The following SH3RF2 variants were observed in gnomAD, a reference collection of about 807,000 sequenced individuals.
SH3RF2 encodes the protein SH3 domain containing ring finger 2.
SH3RF2 carries 43 observed loss-of-function variants against 59.0 expected under a neutral mutation model. The observed-to-expected ratio is 0.73, with a 90% CI of 0.57 to 0.94. SH3RF2 has a LOEUF of 0.94. SH3RF2 is among the 40% of genes least tolerant of loss of function. SH3RF2 has a pLI of 0.00. For synonymous variants in SH3RF2, 391 were observed against 391.5 expected, an observed-to-expected ratio of 1.00 and a Z score of 0.01; for missense variants, 930 against 940.1, an observed-to-expected ratio of 0.99 and a Z score of 0.14.
At chr5:145,951,246 G>A (rs1206179287) in intron 2 of SH3RF2, among the ~76,000 whole-genome samples, 1 of 152,194 alleles carries the variant, frequency 6.6e-6, no homozygotes, top group Non-Finnish European at 1.5e-5. Context: ...CTTTGGGCAA[G>A]CTACCCATGT....
intron 4 of SH3RF2, among the ~76,000 whole-genome samples, chr5:146,006,794 C>A (rs1432416223): frequency 9.9e-5 from 15 of 152,166 alleles, no homozygotes; most frequent in Admixed American, 9.8e-4. Flanking sequence ...TTATTCCTCA[C>A]CTAAATTCCA....
chr5:145,938,202 G>A lies in SH3RF2; in HGVS notation c.274G>A (p.Gly92Ser), dbSNP rs1357272188. The change falls in exon 2 of 10, where the codon GGC becomes AGC. Residue 92 changes from glycine to serine, a missense_variant. Coordinates refer to ENST00000359120, the MANE Select transcript of SH3RF2 (RefSeq NM_152550.4). Reference protein sequence around the residue: ...SGRGGSFRRPGTMTLQDGRKS... With the variant: ...SGRGGSFRRPSTMTLQDGRKS... ...GAGAGGGGGCTCCTTCCGCAGGCCT[G>A]GCACGATGACCTTGCAGGATGGCAG... 1 of 1,613,638 alleles carries A rather than the reference G, an allele frequency of 6.2e-7. No homozygotes were observed.
intron 4 of SH3RF2, among the ~76,000 whole-genome samples, chr5:146,011,915 A>G (rs1760918206): frequency 6.6e-6 from 1 of 152,138 alleles, no homozygotes; most frequent in African/African-American, 2.4e-5. Context: ...TTCCAACACT[A>G]TGTTAAATAG....
At chr5:145,985,365 G>A (rs754223293) in intron 2 of SH3RF2, among the ~76,000 whole-genome samples, 16 of 152,322 alleles carry the variant, frequency 1.1e-4, no homozygotes, top group Admixed American at 4.6e-4. Flanking sequence ...TTGAAATCAA[G>A]ATGTAACTTT....
chr5:146,021,079 T>C (rs74949423), intron 5 of SH3RF2, among the ~76,000 whole-genome samples: 3,701 of 152,114 alleles, frequency 0.024, 166 homozygotes, highest in African/African-American at 0.086. Flanking sequence ...ATCACTGTCT[T>C]TCATAGGAGT....
intron 2 of SH3RF2, among the ~76,000 whole-genome samples, chr5:145,947,269 T>C (rs1000551450): frequency 1.3e-5 from 2 of 152,112 alleles, no homozygotes; most frequent in Non-Finnish European, 2.9e-5. Flanking sequence ...CTGCTGCTTC[T>C]GACCTTAGAC....
chr5:146,029,026 A>G (rs546082477), intron 5 of SH3RF2, among the ~76,000 whole-genome samples: 31 of 152,328 alleles, frequency 2.0e-4, no homozygotes, highest in African/African-American at 7.2e-4. Context: ...GCAGAGAAAC[A>G]TACCCCCACA....
At chr5:145,954,394 A>G (rs2149948754) in intron 2 of SH3RF2, among the ~76,000 whole-genome samples, 1 of 152,202 alleles carries the variant, frequency 6.6e-6, no homozygotes, top group East Asian at 1.9e-4. Context: ...CCCACTTTTT[A>G]ATAGGGTTGT....
chr5:146,032,276 C>T (rs1029197142), intron 5 of SH3RF2, among the ~76,000 whole-genome samples: 1 of 152,070 alleles, frequency 6.6e-6, no homozygotes, highest in African/African-American at 2.4e-5. Context: ...CCTCTTGAAC[C>T]AGCTACCAAG....
At chr5:145,999,641 G>A (rs999508410) in intron 2 of SH3RF2, among the ~76,000 whole-genome samples, 1 of 151,954 alleles carries the variant, frequency 6.6e-6, no homozygotes, top group Non-Finnish European at 1.5e-5. Flanking sequence ...AGGAGAGGGA[G>A]AGAGATGGGA....
At chr5:145,996,493 T>A (rs1172822754) in intron 2 of SH3RF2, among the ~76,000 whole-genome samples, 1 of 150,846 alleles carries the variant, frequency 6.6e-6, no homozygotes, top group Non-Finnish European at 1.5e-5. Context: ...GACAACTGAT[T>A]TGACAAACGA....
At chr5:145,950,294 C>CA (rs2149945430) in intron 2 of SH3RF2, among the ~76,000 whole-genome samples, 1 of 152,288 alleles carries the variant, frequency 6.6e-6, no homozygotes, top group East Asian at 1.9e-4. Flanking sequence ...ACCAAGGTGA[C>CA]AAAGACCGGT....
At chr5:145,942,505 A>G (rs1757852344) in intron 2 of SH3RF2, among the ~76,000 whole-genome samples, 2 of 152,332 alleles carry the variant, frequency 1.3e-5, no homozygotes, top group South Asian at 4.1e-4. Context: ...TCAGGGAATG[A>G]GGCTGGGTAG....
At chr5:145,989,403 C>T (rs988016093) in intron 2 of SH3RF2, among the ~76,000 whole-genome samples, 2 of 152,186 alleles carry the variant, frequency 1.3e-5, no homozygotes, top group Non-Finnish European at 2.9e-5. Context: ...AACAGTAATT[C>T]CTGAATGTTT....
At chr5:146,006,426 A>T (rs1760648382) in intron 4 of SH3RF2, among the ~76,000 whole-genome samples, 1 of 152,188 alleles carries the variant, frequency 6.6e-6, no homozygotes, top group African/African-American at 2.4e-5. Flanking sequence ...ATCTCAAAAA[A>T]GAAAAAAAAG....
chr5:145,997,247 T>C, intron 2 of SH3RF2: 1 of 911,910 alleles, frequency 1.1e-6, no homozygotes, highest in South Asian at 1.3e-5. Flanking sequence ...TGCCTGCAAG[T>C]CTGATACATG....
chr5:145,976,257 A>T (rs1210736724), intron 2 of SH3RF2, among the ~76,000 whole-genome samples: 2 of 152,134 alleles, frequency 1.3e-5, no homozygotes, highest in Admixed American at 1.3e-4. Context: ...TAGGCAGGTT[A>T]GTTCACCTCC....
At position 145,948,659 on chromosome 5, in the gene SH3RF2, G is replaced by C. The variant is rs370493502; in HGVS notation, c.378+10353G>C. ...TGTTAGAGAAGGCAGGAATAAAACT[G>C]TCCAGCTACTTGGGAAATTCGCCAT... On this transcript the variant is annotated intron_variant, in intron 2 of 9. Coordinates refer to ENST00000359120, the MANE Select transcript of SH3RF2 (RefSeq NM_152550.4). Among the ~76,000 whole-genome samples the C allele has an allele frequency of 5.9e-5, 9 of 152,228 alleles. No homozygotes were observed. In the East Asian group the frequency reaches 9.6e-4, roughly 16 times the overall value.
intron 9 of SH3RF2, among the ~76,000 whole-genome samples, chr5:146,077,500 T>C (rs1051056402): frequency 1.3e-5 from 2 of 152,254 alleles, no homozygotes; most frequent in Non-Finnish European, 2.9e-5. Context: ...GTTAACATTT[T>C]ACCAGGTTCA....
Sources: gnomAD v4.1 joint callset for allele counts (sites outside exome capture counted in the v4.1 genomes callset) on GRCh38, gnomAD v4.1.1 for gene constraint, MANE v1.5 for transcripts, NCBI Gene and HGNC (gene_info 2026-07-23, HGNC 2026-07-21) for gene names.